The following MIB1 variants were observed in gnomAD, a reference collection of about 807,000 sequenced individuals.
MIB1 encodes the protein MIB E3 ubiquitin protein ligase 1, also known as E3 ubiquitin-protein ligase MIB1.
A neutral mutation model predicts 124.5 loss-of-function variants in MIB1; 278 were observed. The observed-to-expected ratio is 2.23, with a 90% CI of 2.02 to 2.47. MIB1 has a LOEUF of 2.47. Ranked by LOEUF, MIB1 falls within the 30% of genes most tolerant of loss-of-function variation. The pLI is 0.00. For synonymous variants in MIB1, 446 were observed against 429.4 expected, an observed-to-expected ratio of 1.04 and a Z score of -0.48; for missense variants, 957 against 1,254.4, an observed-to-expected ratio of 0.76 and a Z score of 3.58.
intron 11 of MIB1, among the ~76,000 whole-genome samples, chr18:21,816,937 G>A (rs375777211): frequency 1.3e-5 from 2 of 151,994 alleles, no homozygotes; most frequent in African/African-American, 2.4e-5. Context: ...ACCTGCTGAC[G>A]TTTTTTGTCT....
chr18:21,801,919 T>C (rs527654732), intron 9 of MIB1, among the ~76,000 whole-genome samples: 46 of 152,248 alleles, frequency 3.0e-4, no homozygotes, highest in African/African-American at 1.1e-3. Flanking sequence ...CTGTGTTGGA[T>C]TTCTTGTTTT....
rs2276157 is a variant in MIB1 at position 21,843,042 on chromosome 18, T to C, written c.1963-89T>C. The C allele has an allele frequency of 0.081, 67,093 of 829,382 alleles. 3,097 individuals are homozygous for C. Among genetic ancestry groups the C allele is most frequent in the Middle Eastern group, 0.13 (513 of 3,906 alleles). The allele number at this position is 829,382 out of a possible 1,614,324, so 51.4% of individuals were successfully genotyped here. A position where few individuals can be genotyped will look rare whatever the true frequency, so the allele number is the denominator to read the frequency against. On this transcript the variant is annotated intron_variant, in intron 13 of 20. Coordinates refer to ENST00000261537, the MANE Select transcript of MIB1 (RefSeq NM_020774.4). ...GGAGAAAGTAGCCAGCAGTGTTCGG[T>C]GTTATTTATTCCTTATGAGTAGTTA...
At chr18:21,775,106 C>T (rs921209044) in intron 4 of MIB1, among the ~76,000 whole-genome samples, 7 of 151,656 alleles carry the variant, frequency 4.6e-5, no homozygotes, top group Non-Finnish European at 5.9e-5. Flanking sequence ...CCACCACGCC[C>T]GGCTCATTTT....
intron 12 of MIB1, among the ~76,000 whole-genome samples, chr18:21,830,454 A>G (rs1260052832): frequency 4.6e-5 from 7 of 152,182 alleles, no homozygotes; most frequent in Non-Finnish European, 7.4e-5. Flanking sequence ...TATCTGAACA[A>G]TATTCCTTTT....
intron 1 of MIB1, 88 bp from the exon 2 acceptor site, chr18:21,765,684 G>A (rs2146406476): frequency 7.9e-7 from 1 of 1,265,060 alleles, no homozygotes; most frequent in East Asian, 2.4e-5. Flanking sequence ...CTTGTAAAAT[G>A]TTCTGTTCTT....
At chr18:21,830,541 T>C (rs1297862709) in intron 12 of MIB1, 1 of 152,170 alleles carries the variant, frequency 6.6e-6, no homozygotes, top group African/African-American at 2.4e-5. Flanking sequence ...AATGAGAACA[T>C]ATATTGAGTC....
At chr18:21,824,954 A>G (rs1489456765) in intron 12 of MIB1, among the ~76,000 whole-genome samples, 1 of 152,086 alleles carries the variant, frequency 6.6e-6, no homozygotes, top group East Asian at 1.9e-4. Flanking sequence ...ATAAGGGACA[A>G]AGAAGACAGT....
intron 1 of MIB1, among the ~76,000 whole-genome samples, chr18:21,709,336 A>T (rs1404227025): frequency 7.7e-6 from 1 of 130,368 alleles, no homozygotes; most frequent in Non-Finnish European, 1.6e-5. Context: ...AAAAAAAAAA[A>T]GTCGTGGTGC....
upstream of MIB1, among the ~76,000 whole-genome samples, chr18:21,735,956 T>C (rs1370060743): frequency 6.6e-6 from 1 of 152,330 alleles, no homozygotes; most frequent in African/African-American, 2.4e-5. Context: ...CAGCTTCAGC[T>C]TACTTAAACG....
Position 21,814,346 on chromosome 18 carries a change from A to G in MIB1, c.1480-1270A>G, listed in dbSNP as rs1434334990. On this transcript the variant is annotated intron_variant, in intron 10 of 20. Coordinates refer to ENST00000261537, the MANE Select transcript of MIB1 (RefSeq NM_020774.4). ...ATGTGTTGATAAATTGCTCCCCATT[A>G]AAGCCAGTTGAGATCACATTGTTTG... Among the ~76,000 whole-genome samples, 4 of 151,874 alleles carry G rather than the reference A, an allele frequency of 2.6e-5. No homozygotes were observed. The East Asian group carries it at 5.8e-4, about 22-fold the overall frequency.
rs185715973 is a variant in MIB1 at position 21,779,454 on chromosome 18, T to A, written c.704-27T>A. On this transcript the variant is annotated intron_variant, in intron 5 of 20. Coordinates refer to ENST00000261537, the MANE Select transcript of MIB1 (RefSeq NM_020774.4). ...TGTTGTTGTGAGGTTTTTTTCTCCC[T>A]TTATTCAATTGCCTCTGAAATTACA... 590 of 1,601,968 alleles carry A rather than the reference T, an allele frequency of 3.7e-4. 1 individual carries two copies. In the African/African-American group the frequency reaches 6.9e-3, roughly 19 times the overall value.
intron 5 of MIB1, 55 bp downstream of exon 5, chr18:21,778,224 C>A: frequency 8.4e-7 from 1 of 1,197,238 alleles, no homozygotes; most frequent in Non-Finnish European, 1.2e-6. Context: ...TTCGTGGAAT[C>A]AGTAAAATGC....
intron 11 of MIB1, chr18:21,817,808 C>T (rs1297858046): frequency 1.1e-5 from 3 of 281,936 alleles, no homozygotes; most frequent in Non-Finnish European, 1.4e-5. Flanking sequence ...ACTGGGGAGA[C>T]AAACCATGCA....
Position 21,844,174 on chromosome 18 carries a change from CTT to C in MIB1, c.2134_2135del (p.Leu712ValfsTer53). 6.2e-7 allele frequency: 1 copy of C among 1,614,136 alleles called. No individual in the cohort carries two copies. Among genetic ancestry groups the C allele is most frequent in the Non-Finnish European group, 8.5e-7 (1 of 1,180,012 alleles). On this transcript the variant is annotated frameshift_variant, in exon 15 of 21. Coordinates refer to ENST00000261537, the MANE Select transcript of MIB1 (RefSeq NM_020774.4). LOFTEE classifies it high-confidence loss of function. The stretch of plus-strand genomic sequence containing the variant: ...TTGCATGAAGCTCTAAGGCATCACA[CTT>C]TGTCTCAGCTACGTCAGCTCCAAGA...
chr18:21,769,012 T>C (rs2041196615), intron 3 of MIB1, among the ~76,000 whole-genome samples: 1 of 152,158 alleles, frequency 6.6e-6, no homozygotes, highest in African/African-American at 2.4e-5. Flanking sequence ...CTAGCATGCT[T>C]TTCTGAACGC....
At chr18:21,724,727 A>AAAAATAT (rs1350936232) in intron 1 of MIB1, among the ~76,000 whole-genome samples, 1 of 17,374 alleles carries the variant, frequency 5.8e-5, no homozygotes, top group Non-Finnish European at 1.1e-4. Flanking sequence ...AAAAAAAAAA[A>AAAAATAT]ATATATATAT....
intron 1 of MIB1, among the ~76,000 whole-genome samples, chr18:21,719,745 C>T (rs1446874824): frequency 6.6e-6 from 1 of 152,060 alleles, no homozygotes; most frequent in Admixed American, 6.6e-5. Context: ...GCATGAGCCA[C>T]TGTGCCCGGC....
At position 21,784,736 on chromosome 18, in the gene MIB1, G is replaced by A. The variant is rs191741016; in HGVS notation, c.908+5051G>A. Among the ~76,000 whole-genome samples the A allele has an allele frequency of 8.4e-4, 128 of 152,280 alleles. 1 individual carries two copies. The highest frequency in any genetic ancestry group is 1.4e-3 in the Admixed American group (21 of 15,298). On this transcript the variant is annotated intron_variant, in intron 6 of 20. Transcript: ENST00000261537. ...GAGCCCTCTGTCACGCCCAGACAGG[G>A]CCACTAGAGGGCTCGTTGGTCTAGT...
In MIB1 at chr18:21,773,539, T is replaced by G. The variant is rs1162962309; in HGVS notation, c.532-85T>G. 4.7e-6 allele frequency: 4 copies of G among 857,442 alleles called. No homozygotes were observed. In the East Asian group the frequency reaches 1.1e-4, roughly 24 times the overall value. The allele number at this position is 857,442 out of a possible 1,614,324, so 53.1% of individuals were successfully genotyped here. On this transcript the variant is annotated intron_variant, in intron 3 of 20. Transcript: ENST00000261537. ...ACACAGGTTGCTAGATGAAATGATT[T>G]TTAAGATTTAAATGTAATAATTAAA... is the stretch of plus-strand genomic sequence containing the variant.
Sources: gnomAD v4.1 joint callset for allele counts (sites outside exome capture counted in the v4.1 genomes callset) on GRCh38, gnomAD v4.1.1 for gene constraint, MANE v1.5 for transcripts, NCBI Gene and HGNC (gene_info 2026-07-23, HGNC 2026-07-21) for gene names.